Variants in FAM135B observed in about 807,000 individuals in gnomAD.
The protein encoded by FAM135B is family with sequence similarity 135 member B.
Under a neutral mutation model 127.7 loss-of-function variants are expected in FAM135B, and 43 were observed. The ratio of observed to expected loss-of-function variants is 0.34; its 90% CI spans 0.26 to 0.43. The LOEUF (loss-of-function observed/expected upper bound fraction) is 0.43, where lower values mean the gene tolerates loss of function less well. Among genes scored for constraint, FAM135B ranks in the 20% least tolerant of loss-of-function variants. The pLI, the probability that FAM135B is intolerant of heterozygous loss-of-function variation, is 1.00. For synonymous variants in FAM135B, 670 were observed against 665.1 expected (o/e 1.01, Z -0.11); for missense variants, 1,558 against 1,725.6 (o/e 0.90, Z 1.72).
chr8:138,491,527 A>G lies in FAM135B; in HGVS notation c.-20+5144T>C, dbSNP rs998933918. Among the ~76,000 whole-genome samples the G allele has an allele frequency of 2.0e-5, 3 of 152,240 alleles. No homozygotes were observed. The South Asian group carries it at 6.2e-4, about 32-fold the overall frequency. On this transcript the variant is annotated intron_variant, in intron 1 of 19. Transcript: ENST00000395297. ...GGAACATGTCATTGTTTCTCCCTCA[A>G]TCGTTTCCTCATTTTCTAATTCCCA... is the stretch of plus-strand genomic sequence containing the variant.
intron 9 of FAM135B, among the ~76,000 whole-genome samples, chr8:138,184,334 G>A (rs1815355198): frequency 6.6e-6 from 1 of 152,206 alleles, no homozygotes; most frequent in African/African-American, 2.4e-5. Context: ...TCATCCTGCA[G>A]GTGAACAGGA....
chr8:138,489,595 C>T (rs1374816387), intron 1 of FAM135B, among the ~76,000 whole-genome samples: 1 of 152,158 alleles, frequency 6.6e-6, no homozygotes, highest in African/African-American at 2.4e-5. Context: ...TAAGATCTTT[C>T]CACCCCTCCC....
rs778120894 is a variant in FAM135B at position 138,263,765 on chromosome 8, C to A, written c.297+1938G>T. Among the ~76,000 whole-genome samples, 3 of 152,100 alleles carry A rather than the reference C, an allele frequency of 2.0e-5. No homozygotes were observed. The East Asian group carries it at 5.8e-4, about 29-fold the overall frequency. ...TTTGGAAAGAATAGCTTGCAAAGAG[C>A]CTAAAAAGAAGGGATTACAAGTTAA... is the stretch of plus-strand genomic sequence containing the variant. On this transcript the variant is annotated intron_variant, in intron 4 of 19. Coordinates refer to ENST00000395297, the MANE Select transcript of FAM135B (RefSeq NM_015912.4).
At chr8:138,218,624 C>G (rs776841556) in intron 7 of FAM135B, among the ~76,000 whole-genome samples, 13 of 152,060 alleles carry the variant, frequency 8.5e-5, no homozygotes, top group Admixed American at 3.9e-4. Context: ...GAATATACAG[C>G]ACAGAGTTGC....
intron 7 of FAM135B, among the ~76,000 whole-genome samples, chr8:138,214,188 C>T (rs1818364871): frequency 1.3e-5 from 2 of 152,118 alleles, no homozygotes; most frequent in Non-Finnish European, 2.9e-5. Flanking sequence ...GAGTCTATCT[C>T]CTCTTGGGAA....
At chr8:138,221,039 T>G (rs1157721668) in intron 7 of FAM135B, among the ~76,000 whole-genome samples, 3 of 152,226 alleles carry the variant, frequency 2.0e-5, no homozygotes, top group Non-Finnish European at 4.4e-5. Flanking sequence ...AGGGAGTTTC[T>G]GGGCCATGAT....
At chr8:138,164,809 G>A (rs1466035613) in intron 12 of FAM135B, among the ~76,000 whole-genome samples, 3 of 152,230 alleles carry the variant, frequency 2.0e-5, no homozygotes, top group Non-Finnish European at 4.4e-5. Context: ...GACCTCCTGA[G>A]GCTGTGTCAC....
At chr8:138,259,414 T>C (rs1451268236) in intron 4 of FAM135B, among the ~76,000 whole-genome samples, 1 of 152,218 alleles carries the variant, frequency 6.6e-6, no homozygotes, top group Non-Finnish European at 1.5e-5. Context: ...TTCTCATCCA[T>C]AAAATGGGAG....
intron 3 of FAM135B, among the ~76,000 whole-genome samples, chr8:138,268,528 G>A (rs73439029): frequency 0.011 from 1,700 of 152,122 alleles, 34 homozygotes; most frequent in East Asian, 0.089. Flanking sequence ...TTTTACAAGG[G>A]AAGGCTCACC....
chr8:138,394,616 C>G (rs894219303), intron 1 of FAM135B, among the ~76,000 whole-genome samples: 2 of 152,146 alleles, frequency 1.3e-5, no homozygotes, highest in Non-Finnish European at 2.9e-5. Flanking sequence ...GGCAGGTGAC[C>G]TTGGTGATCT....
At chr8:138,327,366 T>A (rs759893694) in intron 2 of FAM135B, among the ~76,000 whole-genome samples, 2 of 152,196 alleles carry the variant, frequency 1.3e-5, no homozygotes, top group Non-Finnish European at 2.9e-5. Flanking sequence ...ACAAAAATTA[T>A]CTTGCTCATA....
At chr8:138,356,345 C>A (rs552282442) in intron 2 of FAM135B, among the ~76,000 whole-genome samples, 206 of 152,124 alleles carry the variant, frequency 1.4e-3, no homozygotes, top group South Asian at 0.011. Flanking sequence ...TCTAGGCATC[C>A]AAGAATGAAT....
At chr8:138,222,396 G>T (rs1483544975) in intron 7 of FAM135B, among the ~76,000 whole-genome samples, 7 of 152,016 alleles carry the variant, frequency 4.6e-5, no homozygotes, top group African/African-American at 1.7e-4. Context: ...CCTCCCCAAA[G>T]AAAAACTTCC....
chr8:138,179,558 T>C lies in FAM135B; in HGVS notation c.874-868A>G, dbSNP rs116064868. Among the ~76,000 whole-genome samples, 958 of 152,308 alleles carry C rather than the reference T, an allele frequency of 6.3e-3. 8 individuals carry two copies. The highest frequency in any genetic ancestry group is 0.02 in the African/African-American group (842 of 41,570). ...GCCACATCACCATGTCACCTTCGCATAGTAAGTGTTTAAAAAACGTCCTGA... is the reference window on the plus strand; with the variant it reads ...GCCACATCACCATGTCACCTTCGCACAGTAAGTGTTTAAAAAACGTCCTGA... On this transcript the variant is annotated intron_variant, in intron 9 of 19. Coordinates refer to ENST00000395297, the MANE Select transcript of FAM135B (RefSeq NM_015912.4).
intron 3 of FAM135B, among the ~76,000 whole-genome samples, chr8:138,309,770 C>A: frequency 6.6e-6 from 1 of 151,800 alleles, no homozygotes; most frequent in East Asian, 1.9e-4. Flanking sequence ...CTTGGCTACT[C>A]GTACTTTATA....
intron 7 of FAM135B, among the ~76,000 whole-genome samples, chr8:138,240,213 A>T (rs1471953542): frequency 2.0e-5 from 3 of 152,218 alleles, no homozygotes; most frequent in African/African-American, 7.2e-5. Flanking sequence ...CATAGCATTT[A>T]TCATAGGAGG....
At chr8:138,371,529 T>C (rs1302757116) in intron 1 of FAM135B, among the ~76,000 whole-genome samples, 61 of 152,162 alleles carry the variant, frequency 4.0e-4, no homozygotes, top group Non-Finnish European at 4.4e-5. Context: ...TTTCTGAGAA[T>C]GTATCGTGAT....
intron 1 of FAM135B, among the ~76,000 whole-genome samples, chr8:138,487,805 C>T (rs1815040806): frequency 6.6e-6 from 1 of 152,120 alleles, no homozygotes; most frequent in Non-Finnish European, 1.5e-5. Context: ...AGTTCAAGAC[C>T]AGCCTCGCCA....
At chr8:138,334,204 T>C (rs1828385019) in intron 2 of FAM135B, among the ~76,000 whole-genome samples, 1 of 152,150 alleles carries the variant, frequency 6.6e-6, no homozygotes, top group African/African-American at 2.4e-5. Context: ...ATTACAGGCA[T>C]GAGACACCAT....
Sources: gnomAD v4.1 joint callset for allele counts (sites outside exome capture counted in the v4.1 genomes callset) on GRCh38, gnomAD v4.1.1 for gene constraint, MANE v1.5 for transcripts, NCBI Gene and HGNC (gene_info 2026-07-23, HGNC 2026-07-21) for gene names.